CFI: variants seen among roughly 807,000 people sequenced by gnomAD.
CFI encodes the protein complement factor I, also known as C3B/C4B inactivator.
A neutral mutation model predicts 78.8 loss-of-function variants in CFI; 66 were observed. The ratio of observed to expected loss-of-function variants is 0.84; its 90% CI spans 0.69 to 1.03. The LOEUF is 1.03. Among genes scored for constraint, CFI ranks in the 50% least tolerant of loss-of-function variants. The pLI is 0.00. For synonymous variants in CFI, 250 were observed against 232.6 expected, an observed-to-expected ratio of 1.07 and a Z score of -0.68; for missense variants, 706 against 704.5, an observed-to-expected ratio of 1.00 and a Z score of -0.02.
At chr4:109,773,464 C>T (rs530666227) in intron 1 of CFI, among the ~76,000 whole-genome samples, 43 of 152,166 alleles carry the variant, frequency 2.8e-4, no homozygotes, top group African/African-American at 8.7e-4. Flanking sequence ...TGCAGTGAGC[C>T]GAGATCGCGC....
At chr4:109,799,203 C>T (rs1732444976) in intron 1 of CFI, among the ~76,000 whole-genome samples, 1 of 152,150 alleles carries the variant, frequency 6.6e-6, no homozygotes, top group East Asian at 1.9e-4. Flanking sequence ...TGCTTTGGTG[C>T]TCTGTTGTGT....
At chr4:109,736,826 C>T (rs1022324132), downstream of CFI, among the ~76,000 whole-genome samples, 2 of 152,120 alleles carry the variant, frequency 1.3e-5, no homozygotes, top group Non-Finnish European at 2.9e-5. Flanking sequence ...ACGTACTGTA[C>T]ACCTTCACTG....
chr4:109,747,530 G>T (rs1579169178), intron 10 of CFI, among the ~76,000 whole-genome samples: 1 of 152,110 alleles, frequency 6.6e-6, no homozygotes, highest in South Asian at 2.1e-4. Flanking sequence ...ACAGTATAGA[G>T]TCACTTCGGC....
chr4:109,796,969 G>A (rs1409509501), intron 1 of CFI, among the ~76,000 whole-genome samples: 1 of 152,166 alleles, frequency 6.6e-6, no homozygotes, highest in African/African-American at 2.4e-5. Flanking sequence ...TTCACTGAAA[G>A]AATTAATATT....
At chr4:109,732,031 C>CAACTCTTCTTCCACAGA in the CFI span, among the ~76,000 whole-genome samples, 1 of 151,884 alleles carries the variant, frequency 6.6e-6, no homozygotes, top group African/African-American at 2.4e-5. Flanking sequence ...TTGGTTCTTA[C>CAACTCTTCTTCCACAGA]AACTCCCTAG....
At chr4:109,763,649 G>T (rs1727360424) in intron 3 of CFI, among the ~76,000 whole-genome samples, 1 of 151,904 alleles carries the variant, frequency 6.6e-6, no homozygotes, top group South Asian at 2.1e-4. Context: ...AATAGAGAAA[G>T]ATCTAAACAG....
At chr4:109,746,181 C>A (rs1303115515) in intron 11 of CFI, 41 bp downstream of exon 11, 2 of 1,608,880 alleles carry the variant, frequency 1.2e-6, no homozygotes, top group East Asian at 4.5e-5. Context: ...TCTTTCATTT[C>A]CAACTCATGG....
chr4:109,788,655 T>C (rs1731028244), intron 1 of CFI, among the ~76,000 whole-genome samples: 1 of 152,010 alleles, frequency 6.6e-6, no homozygotes, highest in Non-Finnish European at 1.5e-5. Flanking sequence ...AACACCCCCA[T>C]ATAAGAAAAT....
chr4:109,787,482 A>G (rs1730885213), intron 1 of CFI, among the ~76,000 whole-genome samples: 1 of 151,922 alleles, frequency 6.6e-6, no homozygotes, highest in Non-Finnish European at 1.5e-5. Context: ...TGCCCCACAA[A>G]CTCCTTAACA....
chr4:109,759,875 C>T (rs1315386433), intron 6 of CFI, among the ~76,000 whole-genome samples: 1 of 152,102 alleles, frequency 6.6e-6, no homozygotes, highest in African/African-American at 2.4e-5. Context: ...GCCTGGGCAA[C>T]AGAGCAAGAC....
chr4:109,754,554 C>T (rs1390987714), intron 7 of CFI, among the ~76,000 whole-genome samples: 1 of 151,648 alleles, frequency 6.6e-6, no homozygotes, highest in Non-Finnish European at 1.5e-5. Flanking sequence ...GGTGAATTCC[C>T]ACCAACATGT....
chr4:109,787,796 A>T lies in CFI; in HGVS notation c.57+14119T>A, dbSNP rs141083272. Among the ~76,000 whole-genome samples, 467 of 152,052 alleles carry T rather than the reference A, an allele frequency of 3.1e-3. 7 individuals carry two copies. Among genetic ancestry groups the T allele is most frequent in the African/African-American group, 0.011 (447 of 41,490 alleles). On this transcript the variant is annotated intron_variant, in intron 1 of 12. Coordinates refer to ENST00000394634, the MANE Select transcript of CFI (RefSeq NM_000204.5). ...TGTCTTAGAGATTAAAAAGAAAATC[A>T]TCTGTCTAGTTTTCTGGTCTTGTTT...
chr4:109,766,404 T>C (rs768555559), intron 2 of CFI, 150 bp downstream of exon 2: 115 of 826,530 alleles, frequency 1.4e-4, no homozygotes, highest in Admixed American at 1.3e-4. Flanking sequence ...CTGATTTGTT[T>C]AGTGATTACT....
At chr4:109,779,278 A>C (rs1203883765) in intron 1 of CFI, among the ~76,000 whole-genome samples, 1 of 152,234 alleles carries the variant, frequency 6.6e-6, no homozygotes, top group Non-Finnish European at 1.5e-5. Context: ...AAGCAATTTC[A>C]GCAAAGTCTC....
intron 1 of CFI, among the ~76,000 whole-genome samples, chr4:109,769,530 G>A (rs561264225): frequency 1.3e-5 from 2 of 152,214 alleles, no homozygotes; most frequent in South Asian, 2.1e-4. Context: ...TGATTCTTAC[G>A]GCTGAGAACT....
chr4:109,776,783 A>T (rs914462773), intron 1 of CFI, among the ~76,000 whole-genome samples: 1 of 152,222 alleles, frequency 6.6e-6, no homozygotes, highest in African/African-American at 2.4e-5. Context: ...CTCCGCAGAA[A>T]CTCTACAAGC....
At chr4:109,749,461 T>G (rs1404546354) in intron 9 of CFI, 38 bp downstream of exon 9, 3 of 1,551,826 alleles carry the variant, frequency 1.9e-6, no homozygotes, top group Non-Finnish European at 2.7e-6. Flanking sequence ...TTAGGCTGTT[T>G]CTGGGCAGTT....
intron 1 of CFI, among the ~76,000 whole-genome samples, chr4:109,771,714 CAAAAAAAAAAAAAAAA>C (rs149565381): frequency 1.1e-4 from 2 of 18,116 alleles, no homozygotes; most frequent in African/African-American, 1.7e-4. Context: ...ACTCCATCAC[CAAAAAAAAAAAAAAAA>C]AAAAAAAAAA....
At chr4:109,774,755 C>T (rs917283106) in intron 1 of CFI, among the ~76,000 whole-genome samples, 4 of 152,136 alleles carry the variant, frequency 2.6e-5, no homozygotes, top group South Asian at 2.1e-4. Context: ...AAATAAATTG[C>T]AGATGGCACA....
Sources: allele counts gnomAD v4.1 joint callset (sites outside exome capture counted in the v4.1 genomes callset), GRCh38; gene constraint gnomAD v4.1.1; transcripts MANE v1.5; gene names NCBI Gene and HGNC (gene_info 2026-07-23, HGNC 2026-07-21).